The following RIN2 variants were observed in gnomAD, a reference collection of about 807,000 sequenced individuals.
RIN2 encodes Ras and Rab interactor 2.
A neutral mutation model predicts 78.0 loss-of-function variants in RIN2; 36 were observed. The observed-to-expected ratio is 0.46, with a 90% CI of 0.35 to 0.61. RIN2 has a LOEUF of 0.61. Ranked by LOEUF, RIN2 falls within the 20% of genes least tolerant of loss-of-function variation. RIN2 has a pLI of 0.00. For synonymous variants in RIN2, 466 were observed against 466.8 expected (o/e 1.00, Z 0.02); for missense variants, 1,087 against 1,159.7 (o/e 0.94, Z 0.91).
Position 19,992,211 on chromosome 20 carries a change from T to G in RIN2, c.2112T>G (p.Tyr704Ter), listed in dbSNP as rs759163030. The change falls in exon 11 of 13, where the codon TAT becomes TAG. Residue 704 changes from tyrosine to a stop codon, truncating the protein, a stop_gained. Transcript: ENST00000255006. LOFTEE classifies it high-confidence loss of function. ...GADDFLPVLT[Y>*]VIAQCDMLEL... ...ATGACTTCTTGCCAGTCCTGACCTATGTCATAGCCCAGTGTGACATGCTTG... is the reference window on the plus strand; with the variant it reads ...ATGACTTCTTGCCAGTCCTGACCTAGGTCATAGCCCAGTGTGACATGCTTG... 1 of 1,612,102 alleles carries G rather than the reference T, an allele frequency of 6.2e-7. No homozygotes were observed. Among genetic ancestry groups the G allele is most frequent in the Non-Finnish European group, 8.5e-7 (1 of 1,179,202 alleles).
intron 1 of RIN2, among the ~76,000 whole-genome samples, chr20:19,767,230 G>GGGGA (rs1371164477): frequency 6.6e-6 from 1 of 152,224 alleles, no homozygotes; most frequent in African/African-American, 2.4e-5. Flanking sequence ...CAGACTGCTT[G>GGGGA]GGGAGATCCA....
intron 2 of RIN2, among the ~76,000 whole-genome samples, chr20:19,877,077 C>T (rs527468611): frequency 1.3e-5 from 2 of 152,274 alleles, no homozygotes; most frequent in South Asian, 4.1e-4. Context: ...TTACAGCCTT[C>T]TGGAGGAGAG....
chr20:19,958,275 T>G (rs1320310562), intron 5 of RIN2, among the ~76,000 whole-genome samples: 1 of 152,258 alleles, frequency 6.6e-6, no homozygotes, highest in South Asian at 2.1e-4. Flanking sequence ...TTTTGTTCTA[T>G]AGGATCAGGA....
At position 20,002,251 on chromosome 20, in the gene RIN2, T is replaced by C. The variant is rs2043158971; in HGVS notation, c.*1315T>C. The C allele has an allele frequency of 6.6e-6, 1 of 152,498 alleles. No individual in the cohort carries two copies. The highest frequency in any genetic ancestry group is 2.4e-5 in the African/African-American group (1 of 41,464). The allele number at this position is 152,498 out of a possible 1,614,324, so 9.4% of individuals were successfully genotyped here. A position where few individuals can be genotyped will look rare whatever the true frequency, so the allele number is the denominator to read the frequency against. ...CGTAACACAGGTAGTTACAAAAACATGTTATTGTACTGTGTAAAGATGCAT... is the reference window on the plus strand; with the variant it reads ...CGTAACACAGGTAGTTACAAAAACACGTTATTGTACTGTGTAAAGATGCAT... On this transcript the variant is annotated 3_prime_UTR_variant, in exon 13 of 13. Coordinates refer to ENST00000255006, the MANE Select transcript of RIN2 (RefSeq NM_018993.4).
intron 2 of RIN2, among the ~76,000 whole-genome samples, chr20:19,831,130 G>A (rs913878127): frequency 2.0e-5 from 3 of 152,106 alleles, no homozygotes; most frequent in Admixed American, 6.5e-5. Context: ...GCCACACTCC[G>A]GGTAGATACT....
chr20:19,780,094 C>T (rs1281791320), intron 1 of RIN2, among the ~76,000 whole-genome samples: 1 of 152,132 alleles, frequency 6.6e-6, no homozygotes, highest in East Asian at 1.9e-4. Flanking sequence ...ATACAAAACA[C>T]CAATGCCTCA....
chr20:19,820,585 A>G (rs1360684360), intron 2 of RIN2, among the ~76,000 whole-genome samples: 1 of 152,152 alleles, frequency 6.6e-6, no homozygotes, highest in Non-Finnish European at 1.5e-5. Flanking sequence ...GAGTCCCCCA[A>G]GAGCAAGCCA....
At chr20:19,906,640 T>C (rs2039230112) in intron 3 of RIN2, among the ~76,000 whole-genome samples, 1 of 152,178 alleles carries the variant, frequency 6.6e-6, no homozygotes. Context: ...ATCTGGAGAA[T>C]AGATATCCCA....
intron 11 of RIN2, among the ~76,000 whole-genome samples, chr20:19,995,511 TTA>T (rs894320221): frequency 1.2e-4 from 19 of 152,158 alleles, no homozygotes; most frequent in South Asian, 2.1e-4. Flanking sequence ...AGGCACCTAA[TTA>T]TATGTTAGGA....
rs193272782 is a variant in RIN2, at chr20:19,938,015, G to A, written c.158+2816G>A. On this transcript the variant is annotated intron_variant, in intron 4 of 12. Coordinates refer to ENST00000255006, the MANE Select transcript of RIN2 (RefSeq NM_018993.4). ...TCCCGTCCTGTCTCCTGTCAGCGTC[G>A]TCTGCCATGGTCCATCTGCCCTCCT... Among the ~76,000 whole-genome samples the A allele has an allele frequency of 1.3e-3, 196 of 152,282 alleles. 1 individual carries two copies. The highest frequency in any genetic ancestry group is 4.2e-3 in the African/African-American group (176 of 41,560).
intron 9 of RIN2, among the ~76,000 whole-genome samples, chr20:19,976,393 G>A (rs1035365468): frequency 1.3e-5 from 2 of 152,184 alleles, no homozygotes; most frequent in Non-Finnish European, 2.9e-5. Context: ...ATACACTTCT[G>A]TAAGCAGCAC....
chr20:19,785,300 A>C (rs73122221), intron 1 of RIN2, among the ~76,000 whole-genome samples: 7,715 of 148,208 alleles, frequency 0.052, 385 homozygotes, highest in African/African-American at 0.12. Context: ...ACACACACAC[A>C]CCAGAGCAAA....
chr20:19,856,723 A>G (rs2037181848), intron 2 of RIN2, among the ~76,000 whole-genome samples: 1 of 152,134 alleles, frequency 6.6e-6, no homozygotes, highest in Non-Finnish European at 1.5e-5. Flanking sequence ...GATGTCCTTT[A>G]CTATTGATGG....
chr20:19,944,311 C>T (rs1370369900), intron 4 of RIN2, among the ~76,000 whole-genome samples: 1 of 152,126 alleles, frequency 6.6e-6, no homozygotes, highest in East Asian at 1.9e-4. Context: ...CTCTCTTCTC[C>T]CAACCCCGCT....
intron 9 of RIN2, among the ~76,000 whole-genome samples, chr20:19,988,970 C>T (rs111757885): frequency 6.4e-4 from 97 of 152,106 alleles, no homozygotes; most frequent in African/African-American, 2.1e-3. Flanking sequence ...CACACAAATA[C>T]GTGCACACAC....
chr20:19,858,784 T>C lies in RIN2; in HGVS notation c.-36-30782T>C, dbSNP rs188031989. On this transcript the variant is annotated intron_variant, in intron 2 of 12. Coordinates refer to ENST00000255006, the MANE Select transcript of RIN2 (RefSeq NM_018993.4). Reference sequence around the variant, plus strand: ...AGATGTCAATAATTCCATGATCTCATCTGTCTTCCTACAATCAAGGGTAAA... The same window carrying C: ...AGATGTCAATAATTCCATGATCTCACCTGTCTTCCTACAATCAAGGGTAAA... 8.5e-5 allele frequency among the ~76,000 whole-genome samples: 13 copies of C among 152,316 alleles called. No individual in the cohort carries two copies. In the East Asian group the frequency reaches 2.5e-3, roughly 29 times the overall value.
chr20:19,853,046 T>C (rs1456487140), intron 2 of RIN2, among the ~76,000 whole-genome samples: 30 of 105,050 alleles, frequency 2.9e-4, no homozygotes, highest in Non-Finnish European at 4.2e-4. Context: ...CCCCACCCCA[T>C]GACAGGCCCC....
chr20:19,767,813 T>A (rs2033951253), intron 1 of RIN2, among the ~76,000 whole-genome samples: 1 of 150,870 alleles, frequency 6.6e-6, no homozygotes, highest in African/African-American at 2.4e-5. Context: ...TAATCCCAGC[T>A]ACTCAGGAGG....
chr20:19,979,536 C>T (rs1432865273), intron 9 of RIN2, among the ~76,000 whole-genome samples: 4 of 151,964 alleles, frequency 2.6e-5, no homozygotes, highest in Non-Finnish European at 5.9e-5. Context: ...GAGAGTATAG[C>T]GCATATAGAA....
Sources: allele counts gnomAD v4.1 joint callset (sites outside exome capture counted in the v4.1 genomes callset), GRCh38; gene constraint gnomAD v4.1.1; transcripts MANE v1.5; gene names NCBI Gene and HGNC (gene_info 2026-07-23, HGNC 2026-07-21).